PTPRG: variants seen among roughly 807,000 people sequenced by gnomAD.
PTPRG encodes the protein protein tyrosine phosphatase receptor type G.
A neutral mutation model predicts 165.3 loss-of-function variants in PTPRG; 102 were observed. That is an observed-to-expected ratio of 0.62 (90% CI 0.53 to 0.73). The LOEUF is 0.73. Ranked by LOEUF, PTPRG falls within the 30% of genes least tolerant of loss-of-function variation. The pLI is 0.00. For synonymous variants in PTPRG, 675 were observed against 669.5 expected (o/e 1.01, Z -0.13); for missense variants, 1,866 against 1,861.4 (o/e 1.00, Z -0.05).
chr3:62,075,887 C>T (rs545114828), intron 4 of PTPRG, among the ~76,000 whole-genome samples: 1 of 152,078 alleles, frequency 6.6e-6, no homozygotes, highest in Non-Finnish European at 1.5e-5. Flanking sequence ...ATACTGTTTT[C>T]TGTAAGGAGT....
intron 10 of PTPRG, 21 bp from the exon 11 acceptor site, chr3:62,201,484 T>C: frequency 6.3e-7 from 1 of 1,586,418 alleles, no homozygotes; most frequent in African/African-American, 1.3e-5. Context: ...ATTGCTTAAA[T>C]GTAATTTCTT....
At chr3:61,767,664 G>A (rs1054441426) in intron 2 of PTPRG, among the ~76,000 whole-genome samples, 1 of 152,160 alleles carries the variant, frequency 6.6e-6, no homozygotes, top group Non-Finnish European at 1.5e-5. Context: ...TTAAATGCAA[G>A]TTAAGATGAA....
chr3:61,705,204 T>G (rs539833858), intron 1 of PTPRG, among the ~76,000 whole-genome samples: 3 of 151,712 alleles, frequency 2.0e-5, no homozygotes, highest in Non-Finnish European at 4.4e-5. Flanking sequence ...CACCTGAGAG[T>G]TGAAATTAAG....
At chr3:61,608,111 C>T (rs562054113) in intron 1 of PTPRG, among the ~76,000 whole-genome samples, 12 of 152,118 alleles carry the variant, frequency 7.9e-5, no homozygotes, top group South Asian at 4.1e-4. Context: ...ATCTCTGGTC[C>T]GCAACTTGCC....
chr3:61,924,941 C>G (rs1034109291), intron 2 of PTPRG, among the ~76,000 whole-genome samples: 6 of 152,132 alleles, frequency 3.9e-5, no homozygotes, highest in African/African-American at 1.4e-4. Context: ...GGATTATTGC[C>G]TTTGTCTAAA....
At chr3:62,092,762 A>G (rs1701985984) in intron 5 of PTPRG, among the ~76,000 whole-genome samples, 1 of 152,220 alleles carries the variant, frequency 6.6e-6, no homozygotes, top group Non-Finnish European at 1.5e-5. Context: ...GGTGACTGGT[A>G]TGTAGTAAGT....
intron 4 of PTPRG, among the ~76,000 whole-genome samples, chr3:62,010,062 C>T (rs1382525063): frequency 6.6e-6 from 1 of 152,118 alleles, no homozygotes; most frequent in Non-Finnish European, 1.5e-5. Flanking sequence ...GGGCTACAAC[C>T]ACACACCACC....
intron 2 of PTPRG, among the ~76,000 whole-genome samples, chr3:61,946,818 A>T (rs900572018): frequency 6.6e-6 from 1 of 152,354 alleles, no homozygotes; most frequent in Middle Eastern, 3.4e-3. Flanking sequence ...GTAGAGCATG[A>T]GCTTGTTCTT....
At position 62,217,429 on chromosome 3, in the gene PTPRG, T is replaced by C. The variant is rs1211871412; in HGVS notation, c.2156-1422T>C. On this transcript the variant is annotated intron_variant, in intron 12 of 29. Coordinates refer to ENST00000474889, the MANE Select transcript of PTPRG (RefSeq NM_002841.4). The surrounding 1 kb of genome is among the most constrained non-coding windows in gnomAD (Gnocchi z 4.3). Reference sequence around the variant, plus strand: ...AACACACTTCTTCCTGACTCGGGAGTCTTGCCTCTTTAAAAATCTGCTCCC... The same window carrying C: ...AACACACTTCTTCCTGACTCGGGAGCCTTGCCTCTTTAAAAATCTGCTCCC... Among the ~76,000 whole-genome samples, 1 of 151,898 alleles carries C rather than the reference T, an allele frequency of 6.6e-6. No individual in the cohort carries two copies. Among genetic ancestry groups the C allele is most frequent in the South Asian group, 2.1e-4 (1 of 4,810 alleles).
chr3:61,704,208 G>C (rs2031129143), intron 1 of PTPRG, among the ~76,000 whole-genome samples: 1 of 152,054 alleles, frequency 6.6e-6, no homozygotes. Flanking sequence ...GGTTTTTGTG[G>C]GCCAGTTACT....
chr3:61,632,947 T>G (rs1701809448), intron 1 of PTPRG, among the ~76,000 whole-genome samples: 1 of 152,180 alleles, frequency 6.6e-6, no homozygotes, highest in Non-Finnish European at 1.5e-5. Flanking sequence ...ATGCCGGCTG[T>G]TTCCAGAATT....
intron 10 of PTPRG, among the ~76,000 whole-genome samples, chr3:62,201,201 G>A (rs762985173): frequency 3.3e-5 from 5 of 152,116 alleles, no homozygotes; most frequent in East Asian, 1.9e-4. Flanking sequence ...GCATTTTACC[G>A]TATGTAAGCT....
chr3:62,034,338 G>A (rs987119247), intron 4 of PTPRG, among the ~76,000 whole-genome samples: 3 of 152,222 alleles, frequency 2.0e-5, no homozygotes, highest in Non-Finnish European at 2.9e-5. Context: ...CTGGAAACCT[G>A]CGGTGTTGGT....
chr3:61,787,630 C>T (rs1296504507), intron 2 of PTPRG, among the ~76,000 whole-genome samples: 1 of 152,198 alleles, frequency 6.6e-6, no homozygotes, highest in Non-Finnish European at 1.5e-5. Context: ...TGATCACTGA[C>T]CCCAGACCTT....
At chr3:62,285,655 C>T (rs1020082101) in intron 28 of PTPRG, among the ~76,000 whole-genome samples, 1 of 152,062 alleles carries the variant, frequency 6.6e-6, no homozygotes, top group Admixed American at 6.6e-5. Context: ...CAAACTGCTT[C>T]ATTCTCAGCA....
At chr3:61,862,642 G>T (rs186200774) in intron 2 of PTPRG, among the ~76,000 whole-genome samples, 38 of 152,172 alleles carry the variant, frequency 2.5e-4, no homozygotes, top group African/African-American at 8.7e-4. Flanking sequence ...TGATCTGCCC[G>T]CCCAGGCCTC....
intron 5 of PTPRG, among the ~76,000 whole-genome samples, chr3:62,130,349 G>A (rs536306435): frequency 1.3e-5 from 2 of 152,162 alleles, no homozygotes; most frequent in Non-Finnish European, 2.9e-5. Flanking sequence ...TCTGCATCAT[G>A]TTCACTAATT....
At chr3:62,265,190 C>G (rs988287708) in intron 17 of PTPRG, among the ~76,000 whole-genome samples, 1 of 152,106 alleles carries the variant, frequency 6.6e-6, no homozygotes, top group Non-Finnish European at 1.5e-5. Flanking sequence ...GGATACAGAT[C>G]ATTTATTGAA....
Position 62,295,956 on chromosome 3 carries a change from A to C in PTPRG, c.*2649A>C, listed in dbSNP as rs1055647094. 1.3e-5 allele frequency: 2 copies of C among 152,098 alleles called. No individual in the cohort carries two copies. Among genetic ancestry groups the C allele is most frequent in the African/African-American group, 4.8e-5 (2 of 41,426 alleles). 9.4% of individuals were successfully genotyped at this position (152,098 alleles called of 1,614,324 possible). A position where few individuals can be genotyped will look rare whatever the true frequency, so the allele number is the denominator to read the frequency against. On this transcript the variant is annotated 3_prime_UTR_variant, in exon 30 of 30. Coordinates refer to ENST00000474889, the MANE Select transcript of PTPRG (RefSeq NM_002841.4). ...AACAAGGTTATTAACACTTGCACTC[A>C]GGGGAAAGGAAATAGCTATTGCAAA...
Sources: gnomAD v4.1 joint callset for allele counts (sites outside exome capture counted in the v4.1 genomes callset) on GRCh38, gnomAD v4.1.1 for gene constraint, Gnocchi (gnomAD v3.1) non-coding constraint, MANE v1.5 for transcripts, NCBI Gene and HGNC (gene_info 2026-07-23, HGNC 2026-07-21) for gene names.